Variants in GBE1 observed in about 807,000 individuals in gnomAD.
GBE1 encodes the protein 1,4-alpha-glucan-branching enzyme.
GBE1 carries 70 observed loss-of-function variants against 88.8 expected under a neutral mutation model. The observed-to-expected ratio is 0.79, with a 90% CI of 0.65 to 0.96. The LOEUF (loss-of-function observed/expected upper bound fraction) is 0.96, where lower values mean the gene tolerates loss of function less well. GBE1 is among the 40% of genes least tolerant of loss of function. The probability of loss-of-function intolerance (pLI) is 0.00; values close to 1 mark genes in which losing one functional copy is unlikely to be tolerated. For synonymous variants in GBE1, 284 were observed against 300.1 expected, an observed-to-expected ratio of 0.95 and a Z score of 0.56; for missense variants, 872 against 871.0, an observed-to-expected ratio of 1.00 and a Z score of -0.01.
chr3:81,693,234 A>C (rs950304756), intron 2 of GBE1, among the ~76,000 whole-genome samples: 1 of 151,788 alleles, frequency 6.6e-6, no homozygotes, highest in African/African-American at 2.4e-5. Flanking sequence ...AAATATTACC[A>C]AAAAAAATAT....
At chr3:81,650,937 G>A (rs9309876) in intron 3 of GBE1, among the ~76,000 whole-genome samples, 94,372 of 152,062 alleles carry the variant, frequency 0.62, 30,337 homozygotes, top group East Asian at 0.94. Flanking sequence ...CAGCCTCCCA[G>A]AGTGCTGAGA....
chr3:81,718,878 G>A (rs545052891), intron 1 of GBE1, among the ~76,000 whole-genome samples: 11 of 151,758 alleles, frequency 7.2e-5, no homozygotes, highest in Admixed American at 5.9e-4. Context: ...CAGGTGATCC[G>A]CCCACCTCGA....
chr3:81,737,365 ATTTATATATATTTT>A (rs1559703732), intron 1 of GBE1, among the ~76,000 whole-genome samples: 1,080 of 35,046 alleles, frequency 0.031, 6 homozygotes, highest in Non-Finnish European at 0.04. Flanking sequence ...ATATTTATAT[ATTTATATATATTTT>A]TATATATATT....
At chr3:81,718,293 T>C (rs1705970643) in intron 1 of GBE1, among the ~76,000 whole-genome samples, 1 of 152,060 alleles carries the variant, frequency 6.6e-6, no homozygotes, top group African/African-American at 2.4e-5. Flanking sequence ...ACAGAAAATT[T>C]TAAAAAGAGA....
At chr3:81,546,174 G>A (rs1050154923) in intron 12 of GBE1, among the ~76,000 whole-genome samples, 1 of 151,758 alleles carries the variant, frequency 6.6e-6, no homozygotes, top group East Asian at 1.9e-4. Flanking sequence ...ACATACCCCA[G>A]TGGAAAAGTA....
At chr3:81,736,821 C>T (rs1476780992) in intron 1 of GBE1, among the ~76,000 whole-genome samples, 6 of 152,208 alleles carry the variant, frequency 3.9e-5, no homozygotes, top group Middle Eastern at 6.8e-3. Flanking sequence ...TGCCTCTCAA[C>T]GACTTGAAAA....
chr3:81,491,307 G>A (rs752071008), intron 15 of GBE1, among the ~76,000 whole-genome samples: 4 of 152,108 alleles, frequency 2.6e-5, no homozygotes, highest in Non-Finnish European at 2.9e-5. Flanking sequence ...CACAATTTGT[G>A]AATGATTTTT....
At chr3:81,591,764 C>T (rs1703881452) in intron 8 of GBE1, among the ~76,000 whole-genome samples, 1 of 152,044 alleles carries the variant, frequency 6.6e-6, no homozygotes, top group East Asian at 1.9e-4. Flanking sequence ...TCTATTCTTT[C>T]AGTAATTTAC....
chr3:81,580,580 C>T lies in GBE1; in HGVS notation c.1446+585G>A, dbSNP rs78534907. 4.6e-5 allele frequency among the ~76,000 whole-genome samples: 7 copies of T among 151,284 alleles called. No individual in the cohort carries two copies. In the East Asian group the frequency reaches 1.4e-3, roughly 29 times the overall value. ...TTGGGCAGAGAATAATGCTGGAAACCGGCTTGAGCCAAAATAGGAGTGGCT... is the reference window on the plus strand; with the variant it reads ...TTGGGCAGAGAATAATGCTGGAAACTGGCTTGAGCCAAAATAGGAGTGGCT... On this transcript the variant is annotated intron_variant, in intron 11 of 15. Transcript: ENST00000429644.
At chr3:81,730,900 T>C (rs1310572990) in intron 1 of GBE1, among the ~76,000 whole-genome samples, 2 of 152,210 alleles carry the variant, frequency 1.3e-5, no homozygotes, top group African/African-American at 4.8e-5. Context: ...TTTGCTGTGC[T>C]ACCTTATATG....
intron 7 of GBE1, among the ~76,000 whole-genome samples, chr3:81,608,450 C>A (rs1254812276): frequency 6.6e-6 from 1 of 152,184 alleles, no homozygotes; most frequent in African/African-American, 2.4e-5. Flanking sequence ...CACTATCTTT[C>A]TCCTTTTCAG....
At chr3:81,652,499 G>A (rs768622393) in intron 3 of GBE1, among the ~76,000 whole-genome samples, 11 of 152,130 alleles carry the variant, frequency 7.2e-5, no homozygotes, top group Admixed American at 1.3e-4. Flanking sequence ...GTTGAGTGGA[G>A]TATTTTAATT....
intron 7 of GBE1, among the ~76,000 whole-genome samples, chr3:81,629,546 T>C (rs1309764585): frequency 6.6e-6 from 1 of 152,112 alleles, no homozygotes; most frequent in Non-Finnish European, 1.5e-5. Context: ...ACTCAATAAA[T>C]GGATGTAGAT....
At chr3:81,749,133 C>T (rs1469991383) in intron 1 of GBE1, among the ~76,000 whole-genome samples, 1 of 151,832 alleles carries the variant, frequency 6.6e-6, no homozygotes, top group Non-Finnish European at 1.5e-5. Flanking sequence ...AAAACCTATA[C>T]ATAAATATTC....
intron 3 of GBE1, among the ~76,000 whole-genome samples, chr3:81,659,404 C>T (rs532972371): frequency 1.2e-4 from 18 of 151,068 alleles, no homozygotes; most frequent in African/African-American, 2.4e-4. Context: ...GGCGTGATCT[C>T]GCCTCACTGC....
chr3:81,622,222 C>A (rs1704342508), intron 7 of GBE1, among the ~76,000 whole-genome samples: 2 of 152,176 alleles, frequency 1.3e-5, no homozygotes, highest in Admixed American at 1.3e-4. Context: ...CCAACAAAAC[C>A]ATTTTTAGTC....
intron 7 of GBE1, among the ~76,000 whole-genome samples, chr3:81,598,073 T>C (rs1224182754): frequency 6.6e-6 from 1 of 151,998 alleles, no homozygotes; most frequent in Non-Finnish European, 1.5e-5. Flanking sequence ...CATTACATTT[T>C]GTAATCCAAG....
chr3:81,649,023 G>A (rs755961158), intron 4 of GBE1, 32 bp from the exon 5 acceptor site: 14 of 1,473,728 alleles, frequency 9.5e-6, no homozygotes, highest in South Asian at 5.3e-5. Context: ...ATAGAGTTAA[G>A]CCAGGAATTC....
At chr3:81,628,938 T>A (rs992910082) in intron 7 of GBE1, among the ~76,000 whole-genome samples, 3 of 149,886 alleles carry the variant, frequency 2.0e-5, no homozygotes, top group Admixed American at 2.0e-4. Context: ...GTTTACTGGC[T>A]GACAAATTGG....
Sources: allele counts gnomAD v4.1 joint callset (sites outside exome capture counted in the v4.1 genomes callset), GRCh38; gene constraint gnomAD v4.1.1; transcripts MANE v1.5; gene names NCBI Gene and HGNC (gene_info 2026-07-23, HGNC 2026-07-21).